RBM47: variants seen among roughly 807,000 people sequenced by gnomAD.
RBM47 encodes the protein RNA-binding protein 47.
Under a neutral mutation model 47.1 loss-of-function variants are expected in RBM47, and 21 were observed. The observed-to-expected ratio is 0.45, with a 90% confidence interval of 0.32 to 0.64. The LOEUF (loss-of-function observed/expected upper bound fraction) is 0.64. Among genes scored for constraint, RBM47 ranks in the 30% least tolerant of loss-of-function variants. The probability of loss-of-function intolerance (pLI) is 0.05; values close to 1 mark genes in which losing one functional copy is unlikely to be tolerated. For synonymous variants in RBM47, 375 were observed against 361.7 expected, an observed-to-expected ratio of 1.04 and a Z score of -0.42; for missense variants, 708 against 870.9, an observed-to-expected ratio of 0.81 and a Z score of 2.35.
intron 2 of RBM47, 23 bp downstream of exon 2, chr4:40,544,399 T>C (rs1207605677): frequency 1.3e-5 from 2 of 152,232 alleles, no homozygotes; most frequent in Non-Finnish European, 2.9e-5. Context: ...ATTTGAGTCA[T>C]GGTGAAGATG....
At chr4:40,445,031 T>C (rs572991293) in intron 3 of RBM47, among the ~76,000 whole-genome samples, 25 of 151,780 alleles carry the variant, frequency 1.6e-4, no homozygotes, top group African/African-American at 5.8e-4. Flanking sequence ...TCCCAGCACT[T>C]TGGGAGGCCG....
At chr4:40,494,432 C>T (rs1041468136) in intron 2 of RBM47, among the ~76,000 whole-genome samples, 12 of 152,122 alleles carry the variant, frequency 7.9e-5, no homozygotes, top group African/African-American at 1.2e-4. Flanking sequence ...TACTTAGTGT[C>T]CTCAGAGCAA....
chr4:40,534,852 G>A (rs1727770520), intron 2 of RBM47, among the ~76,000 whole-genome samples: 2 of 151,554 alleles, frequency 1.3e-5, no homozygotes, highest in South Asian at 2.1e-4. Context: ...GGAGAATGGC[G>A]TGAACCCGGG....
chr4:40,562,102 C>A (rs1174149470), intron 1 of RBM47, among the ~76,000 whole-genome samples: 1 of 152,076 alleles, frequency 6.6e-6, no homozygotes, highest in African/African-American at 2.4e-5. Flanking sequence ...GGAAACATAC[C>A]CCCAAGTGAT....
At chr4:40,428,301 C>A (rs1033746689) in intron 6 of RBM47, among the ~76,000 whole-genome samples, 3 of 152,214 alleles carry the variant, frequency 2.0e-5, no homozygotes, top group Admixed American at 2.0e-4. Context: ...TCACAGCCAC[C>A]AGTAGAGTTG....
chr4:40,557,992 C>G (rs1307560792), intron 1 of RBM47, among the ~76,000 whole-genome samples: 1 of 152,140 alleles, frequency 6.6e-6, no homozygotes, highest in East Asian at 1.9e-4. Flanking sequence ...TAGATCTTGT[C>G]TTCCCAAGCA....
At chr4:40,596,610 T>C (rs944125733) in intron 1 of RBM47, among the ~76,000 whole-genome samples, 1 of 152,186 alleles carries the variant, frequency 6.6e-6, no homozygotes, top group African/African-American at 2.4e-5. Context: ...ACATTGTATT[T>C]ATGGACAATG....
At chr4:40,488,796 T>G (rs988345638) in intron 2 of RBM47, among the ~76,000 whole-genome samples, 4 of 152,232 alleles carry the variant, frequency 2.6e-5, no homozygotes, top group Non-Finnish European at 4.4e-5. Flanking sequence ...CAGATTAGAA[T>G]AGTTAATCTT....
In RBM47 at chr4:40,523,544, G is replaced by A. The variant is rs140152651; in HGVS notation, c.-155+20878C>T. Among the ~76,000 whole-genome samples, 821 of 151,976 alleles carry A rather than the reference G, an allele frequency of 5.4e-3. 10 individuals are homozygous for A. Among genetic ancestry groups the A allele is most frequent in the African/African-American group, 0.018 (750 of 41,454 alleles). ...CAGGCACCTGTAATCCTAGCTACTC[G>A]GGAGACTGAGGCAGGAGAATTGCTT... On this transcript the variant is annotated intron_variant, in intron 2 of 6. Coordinates refer to ENST00000295971, the MANE Select transcript of RBM47 (RefSeq NM_001098634.2).
At chr4:40,490,758 G>A (rs1165822616) in intron 2 of RBM47, among the ~76,000 whole-genome samples, 1 of 151,514 alleles carries the variant, frequency 6.6e-6, no homozygotes, top group Non-Finnish European at 1.5e-5. Flanking sequence ...AAAAAAAAGA[G>A]AGAAAAAAAA....
intron 2 of RBM47, among the ~76,000 whole-genome samples, chr4:40,516,624 A>C (rs1725611680): frequency 6.6e-6 from 1 of 152,136 alleles, no homozygotes. Flanking sequence ...TGCATGGTTT[A>C]CACAGGTATT....
intron 1 of RBM47, among the ~76,000 whole-genome samples, chr4:40,558,653 C>T (rs1276234513): frequency 6.6e-6 from 1 of 151,660 alleles, no homozygotes; most frequent in Admixed American, 6.6e-5. Context: ...CATGGTGAAA[C>T]CCCATCTCTA....
At chr4:40,513,713 A>C (rs1725225104) in intron 2 of RBM47, among the ~76,000 whole-genome samples, 1 of 149,508 alleles carries the variant, frequency 6.7e-6, no homozygotes, top group East Asian at 2.0e-4. Context: ...TTTTAAACTG[A>C]CTTTTTTTTT....
At chr4:40,516,972 A>T (rs1489914510) in intron 2 of RBM47, among the ~76,000 whole-genome samples, 2 of 152,108 alleles carry the variant, frequency 1.3e-5, no homozygotes, top group African/African-American at 4.8e-5. Context: ...CAAGAGGAGT[A>T]AATCCCCTGC....
chr4:40,552,966 TC>T (rs2154264563), intron 1 of RBM47, among the ~76,000 whole-genome samples: 4 of 151,196 alleles, frequency 2.6e-5, no homozygotes, highest in African/African-American at 7.3e-5. Context: ...AACTTTCTTT[TC>T]TTTTTTCTTT....
In RBM47 at chr4:40,579,188, C is replaced by T. The variant is rs555138961; in HGVS notation, c.-239-34682G>A. Among the ~76,000 whole-genome samples the T allele has an allele frequency of 4.6e-5, 7 of 151,036 alleles. No individual in the cohort carries two copies. In the East Asian group the frequency reaches 1.4e-3, roughly 29 times the overall value. On this transcript the variant is annotated intron_variant, in intron 1 of 6. Transcript: ENST00000295971. ...TTGTAATCCCAGCACTTTGGGAGGC[C>T]AAGACTGGCGGATCACGAGGTCAGG... is the stretch of plus-strand genomic sequence containing the variant.
chr4:40,616,309 G>A (rs930470181), intron 1 of RBM47, among the ~76,000 whole-genome samples: 3 of 147,330 alleles, frequency 2.0e-5, no homozygotes, highest in Non-Finnish European at 4.5e-5. Context: ...AGCCGAGATC[G>A]CGCCACTGCA....
intron 2 of RBM47, among the ~76,000 whole-genome samples, chr4:40,508,370 CATA>C (rs1268931144): frequency 6.6e-6 from 1 of 152,308 alleles, no homozygotes; most frequent in Non-Finnish European, 1.5e-5. Flanking sequence ...CCTTTCAGGT[CATA>C]ATATTTCCAT....
chr4:40,554,135 C>T (rs1305963079), intron 1 of RBM47, among the ~76,000 whole-genome samples: 1 of 152,264 alleles, frequency 6.6e-6, no homozygotes, highest in East Asian at 1.9e-4. Flanking sequence ...AGTGGGATTG[C>T]GCCCAGGGAA....
Sources: gnomAD v4.1 joint callset for allele counts (sites outside exome capture counted in the v4.1 genomes callset) on GRCh38, gnomAD v4.1.1 for gene constraint, MANE v1.5 for transcripts, NCBI Gene and HGNC (gene_info 2026-07-23, HGNC 2026-07-21) for gene names.